FRYL: variants seen among roughly 807,000 people sequenced by gnomAD.
FRYL encodes the protein FRY like transcription coactivator.
Under a neutral mutation model 351.2 loss-of-function variants are expected in FRYL, and 150 were observed. The observed-to-expected ratio is 0.43, with a 90% CI of 0.37 to 0.49. FRYL has a LOEUF of 0.49. Ranked by LOEUF, FRYL falls within the 20% of genes least tolerant of loss-of-function variation. The pLI, the probability that FRYL is intolerant of heterozygous loss-of-function variation, is 0.00. For synonymous variants in FRYL, 1,153 were observed against 1,257.1 expected (o/e 0.92, Z 1.75); for missense variants, 3,036 against 3,619.3 (o/e 0.84, Z 4.13).
chr4:48,498,152 A>G lies in FRYL; in HGVS notation c.*1270T>C, dbSNP rs987673125. 6.6e-6 allele frequency: 1 copy of G among 151,846 alleles called. No individual in the cohort carries two copies. Among genetic ancestry groups the G allele is most frequent in the Non-Finnish European group, 1.5e-5 (1 of 67,990 alleles). 9.4% of individuals were successfully genotyped at this position (151,846 alleles called of 1,614,324 possible). ...GACTCCAGTTCATGTTATACTACAG[A>G]CTTAGACAGTGAATAAGTATATTGC... On this transcript the variant is annotated 3_prime_UTR_variant, in exon 64 of 64. Coordinates refer to ENST00000358350, the MANE Select transcript of FRYL (RefSeq NM_015030.2).
At chr4:48,520,842 A>G (rs966494927) in intron 55 of FRYL, among the ~76,000 whole-genome samples, 10 of 152,226 alleles carry the variant, frequency 6.6e-5, no homozygotes, top group African/African-American at 1.2e-4. Context: ...AAAACACTCA[A>G]GATTATTTTT....
Position 48,742,973 on chromosome 4 carries a change from A to AT in FRYL, c.-383-32276dup, listed in dbSNP as rs71191256. 7.8e-3 allele frequency among the ~76,000 whole-genome samples: 639 copies of AT among 81,736 alleles called. 18 individuals carry two copies. Among genetic ancestry groups the AT allele is most frequent in the African/African-American group, 0.027 (606 of 22,382 alleles). 53.6% of individuals were successfully genotyped at this position (81,736 alleles called of 152,430 possible). ...AGGTGTGCGCCACCACGCCTGGATAATTTTTTTTTTTTTTTTTTTTTTTTT... is the reference window on the plus strand; with the variant it reads ...AGGTGTGCGCCACCACGCCTGGATAATTTTTTTTTTTTTTTTTTTTTTTTTT... On this transcript the variant is annotated intron_variant, in intron 1 of 63. Coordinates refer to ENST00000358350, the MANE Select transcript of FRYL (RefSeq NM_015030.2).
chr4:48,725,658 C>T (rs1376671596), intron 1 of FRYL, among the ~76,000 whole-genome samples: 1 of 152,142 alleles, frequency 6.6e-6, no homozygotes, highest in Non-Finnish European at 1.5e-5. Context: ...GCTACCCACC[C>T]GCTAGTCACT....
At chr4:48,574,987 T>A (rs1739275622) in intron 25 of FRYL, 130 bp downstream of exon 25, 1 of 644,130 alleles carries the variant, frequency 1.6e-6, no homozygotes, top group Admixed American at 3.0e-5. Flanking sequence ...AGTTAATTGG[T>A]GAAAGTCAGG....
chr4:48,582,348 A>C lies in FRYL; in HGVS notation c.1986+149T>G, dbSNP rs148260735. 2.1e-3 allele frequency: 1,315 copies of C among 614,664 alleles called. 15 individuals carry two copies. The highest frequency in any genetic ancestry group is 0.016 in the South Asian group (764 of 47,970). The allele number at this position is 614,664 out of a possible 1,614,324, so 38.1% of individuals were successfully genotyped here. ...ATATATTCACTACAGGAACTATGGG[A>C]AAGTTCAGTTTAAGGGATTAGGAAC... On this transcript the variant is annotated intron_variant, in intron 20 of 63. Coordinates refer to ENST00000358350, the MANE Select transcript of FRYL (RefSeq NM_015030.2).
intron 1 of FRYL, among the ~76,000 whole-genome samples, chr4:48,727,246 G>C (rs1770180693): frequency 6.6e-6 from 1 of 152,040 alleles, no homozygotes; most frequent in South Asian, 2.1e-4. Context: ...TCTGGTTTCT[G>C]ATCTGACCTG....
chr4:48,506,954 G>A (rs1721194349), intron 59 of FRYL, among the ~76,000 whole-genome samples: 1 of 152,010 alleles, frequency 6.6e-6, no homozygotes, highest in Non-Finnish European at 1.5e-5. Context: ...GGCAGCCATT[G>A]TCAAAAGCTA....
chr4:48,593,505 C>T (rs1324290720), intron 16 of FRYL, among the ~76,000 whole-genome samples: 2 of 152,042 alleles, frequency 1.3e-5, no homozygotes, highest in Admixed American at 6.6e-5. Context: ...CCACCACTCC[C>T]GGCTAATTTT....
intron 1 of FRYL, among the ~76,000 whole-genome samples, chr4:48,779,344 G>A (rs1490965407): frequency 1.3e-5 from 2 of 152,192 alleles, no homozygotes; most frequent in South Asian, 2.1e-4. Flanking sequence ...TGGCCGCGGT[G>A]TCCGCAGGGC....
At chr4:48,665,414 GA>G (rs1179217919) in intron 3 of FRYL, among the ~76,000 whole-genome samples, 1 of 152,148 alleles carries the variant, frequency 6.6e-6, no homozygotes, top group Non-Finnish European at 1.5e-5. Context: ...CTTTGAAATA[GA>G]GATAGAAATA....
intron 59 of FRYL, among the ~76,000 whole-genome samples, chr4:48,508,267 A>G (rs1341520396): frequency 6.6e-6 from 1 of 152,220 alleles, no homozygotes; most frequent in African/African-American, 2.4e-5. Context: ...TAAATTTTAG[A>G]ATCAGCTTGT....
At chr4:48,573,928 G>T (rs528642502) in intron 25 of FRYL, among the ~76,000 whole-genome samples, 3 of 152,152 alleles carry the variant, frequency 2.0e-5, no homozygotes, top group East Asian at 3.9e-4. Context: ...ATAGGGTGGG[G>T]TACCATAATT....
At chr4:48,535,906 C>T in intron 47 of FRYL, 79 bp from the exon 48 acceptor site, 5 of 1,080,932 alleles carry the variant, frequency 4.6e-6, no homozygotes, top group African/African-American at 3.2e-5. Context: ...AATGTATTCG[C>T]TTAATGAAAT....
chr4:48,717,529 A>G (rs1769004976), intron 1 of FRYL, among the ~76,000 whole-genome samples: 1 of 151,432 alleles, frequency 6.6e-6, no homozygotes, highest in Non-Finnish European at 1.5e-5. Context: ...TGAATATAAA[A>G]AAGGCTCTAA....
At chr4:48,539,165 T>G (rs1729571429) in intron 47 of FRYL, among the ~76,000 whole-genome samples, 1 of 152,124 alleles carries the variant, frequency 6.6e-6, no homozygotes, top group Non-Finnish European at 1.5e-5. Context: ...TACACCACTG[T>G]TTCTAAAACA....
intron 3 of FRYL, among the ~76,000 whole-genome samples, chr4:48,649,160 A>T (rs1420061026): frequency 6.6e-6 from 1 of 152,232 alleles, no homozygotes. Context: ...GTATTATTTC[A>T]ATCAAATAAC....
At chr4:48,708,225 G>C (rs756579276) in intron 2 of FRYL, among the ~76,000 whole-genome samples, 1 of 151,404 alleles carries the variant, frequency 6.6e-6, no homozygotes, top group Non-Finnish European at 1.5e-5. Flanking sequence ...GTTGCAGTAA[G>C]CCGAGATTGA....
intron 60 of FRYL, among the ~76,000 whole-genome samples, chr4:48,503,928 T>C (rs573822957): frequency 2.6e-5 from 4 of 152,314 alleles, no homozygotes; most frequent in African/African-American, 9.6e-5. Flanking sequence ...TCCTCACTTC[T>C]ATTAGCACAA....
At chr4:48,600,712 C>T (rs570849325) in intron 13 of FRYL, among the ~76,000 whole-genome samples, 6 of 152,156 alleles carry the variant, frequency 3.9e-5, no homozygotes, top group South Asian at 4.1e-4. Context: ...TTTTAATGAA[C>T]GTATGAAAAA....
Sources: allele counts gnomAD v4.1 joint callset (sites outside exome capture counted in the v4.1 genomes callset), GRCh38; gene constraint gnomAD v4.1.1; transcripts MANE v1.5; gene names NCBI Gene and HGNC (gene_info 2026-07-23, HGNC 2026-07-21).